Variants in AMZ1 observed in about 807,000 individuals in gnomAD.
AMZ1 encodes archaemetzincin-1.
In AMZ1, 39 loss-of-function variants were observed where a neutral mutation model predicts 29.9. That is an observed-to-expected ratio of 1.30 (90% confidence interval 1.01 to 1.70). The LOEUF (loss-of-function observed/expected upper bound fraction) is 1.70, where lower values mean the gene tolerates loss of function less well. Among genes scored for constraint, AMZ1 ranks in the 40% most tolerant of loss-of-function variants. The pLI is 0.00. For missense variants in AMZ1, 1,041 were observed against 680.6 expected (o/e 1.53, Z -5.89); for synonymous variants, 458 against 304.0 (o/e 1.51, Z -5.27).
At chr7:2,727,436 T>C (rs1337251716) in intron 4 of AMZ1, among the ~76,000 whole-genome samples, 3 of 152,026 alleles carry the variant, frequency 2.0e-5, no homozygotes, top group Non-Finnish European at 4.4e-5. Flanking sequence ...GAGTGCAGAG[T>C]GCGATCGCAG....
intron 4 of AMZ1, among the ~76,000 whole-genome samples, chr7:2,725,114 C>A (rs929304083): frequency 3.9e-5 from 6 of 152,174 alleles, no homozygotes; most frequent in Non-Finnish European, 8.8e-5. Flanking sequence ...CTGGGTTCTG[C>A]GAGCGCACCC....
chr7:2,754,898 T>C (rs1436754726), intron 4 of AMZ1, among the ~76,000 whole-genome samples: 1 of 152,248 alleles, frequency 6.6e-6, no homozygotes, highest in African/African-American at 2.4e-5. Context: ...TACTGTTATC[T>C]TCTCTCAAGT....
intron 4 of AMZ1, among the ~76,000 whole-genome samples, chr7:2,758,678 C>T (rs1381075013): frequency 8.5e-5 from 13 of 152,184 alleles, no homozygotes; most frequent in Admixed American, 8.5e-4. Context: ...AACCCCTGTG[C>T]TAGAGAGGTT....
At chr7:2,748,187 AGCCTGCATC>A (rs1346924673) in intron 4 of AMZ1, among the ~76,000 whole-genome samples, 2 of 151,224 alleles carry the variant, frequency 1.3e-5, no homozygotes, top group Non-Finnish European at 3.0e-5. Flanking sequence ...ACCAAAAAAG[AGCCTGCATC>A]GCCAAGTCAA....
upstream of AMZ1, chr7:2,762,964 C>A: frequency 7.4e-7 from 1 of 1,359,390 alleles, no homozygotes. Flanking sequence ...CCAGGGTCTC[C>A]TGCTCCTCAG....
At chr7:2,698,014 AATTAC>A (rs1315182015) in intron 1 of AMZ1, among the ~76,000 whole-genome samples, 4 of 152,250 alleles carry the variant, frequency 2.6e-5, no homozygotes, top group African/African-American at 9.6e-5. Context: ...AAAATATATA[AATTAC>A]ATATATCAAA....
chr7:2,701,160 G>T (rs1365880135), intron 2 of AMZ1, among the ~76,000 whole-genome samples: 1 of 152,160 alleles, frequency 6.6e-6, no homozygotes, highest in Non-Finnish European at 1.5e-5. Context: ...GAACCTGGGA[G>T]ACAGAGGTTG....
intron 2 of AMZ1, 112 bp downstream of exon 2, chr7:2,700,867 G>T: frequency 7.2e-7 from 1 of 1,388,096 alleles, no homozygotes; most frequent in African/African-American, 1.4e-5. Flanking sequence ...AGGGAAGAGG[G>T]TCCTGGGTGT....
downstream of AMZ1, among the ~76,000 whole-genome samples, chr7:2,722,938 C>G (rs1789481856): frequency 6.6e-6 from 1 of 151,986 alleles, no homozygotes; most frequent in Admixed American, 6.6e-5. Flanking sequence ...ATGATCACAC[C>G]ACTGCACTCC....
At chr7:2,687,395 G>C (rs1054034031), upstream of AMZ1, among the ~76,000 whole-genome samples, 2 of 152,190 alleles carry the variant, frequency 1.3e-5, no homozygotes, top group Non-Finnish European at 2.9e-5. Context: ...TCTGTGGGGC[G>C]CTGCTGAGGG....
At chr7:2,746,897 G>A (rs1332616060) in intron 4 of AMZ1, among the ~76,000 whole-genome samples, 4 of 152,252 alleles carry the variant, frequency 2.6e-5, no homozygotes, top group South Asian at 4.1e-4. Context: ...ACACCTCTAC[G>A]CAAATAAACT....
intron 6 of AMZ1, among the ~76,000 whole-genome samples, chr7:2,710,834 A>G (rs1329511900): frequency 6.6e-6 from 1 of 152,178 alleles, no homozygotes; most frequent in Non-Finnish European, 1.5e-5. Flanking sequence ...AGGTGGCGTG[A>G]TGGCTGGTCA....
rs920311156 is a variant in AMZ1, at chr7:2,716,221, T to G, written c.*3343T>G. The G allele has an allele frequency of 1.3e-5, 2 of 152,250 alleles. No homozygotes were observed. Among genetic ancestry groups the G allele is most frequent in the South Asian group, 4.1e-4 (2 of 4,824 alleles). The allele number at this position is 152,250 out of a possible 1,614,324, so 9.4% of individuals were successfully genotyped here. A position where few individuals can be genotyped will look rare whatever the true frequency, so the allele number is the denominator to read the frequency against. Reference sequence around the variant, plus strand: ...GCTATGATGAAGGGGTGAGAAGCAGTGTCCCCTCTGAGGCAAATCTCTCTT... The same window carrying G: ...GCTATGATGAAGGGGTGAGAAGCAGGGTCCCCTCTGAGGCAAATCTCTCTT... On this transcript the variant is annotated 3_prime_UTR_variant, in exon 7 of 7. Coordinates refer to ENST00000683327, the MANE Select transcript of AMZ1 (RefSeq NM_001384743.1).
chr7:2,700,565 T>A lies in AMZ1; in HGVS notation c.114T>A (p.Pro38=), dbSNP rs756362703. The A allele has an allele frequency of 4.0e-5, 64 of 1,609,842 alleles. No homozygotes were observed. The highest frequency in any genetic ancestry group is 1.2e-5 in the Non-Finnish European group (14 of 1,179,954). The stretch of plus-strand genomic sequence containing the variant: ...AGCTGTATGTGTCCGCCTTCTCCCC[T>A]GCCGAGCGGCTCTTCCTGGCCGAGG... ...LQQLYVSAFS[P]AERLFLAEAY... is the part of the protein sequence containing the mutation. The change falls in exon 2 of 7, where the codon CCT becomes CCA. Residue 38 remains proline, a synonymous_variant. Transcript: ENST00000683327.
At chr7:2,706,583 T>G (rs780664557) in intron 3 of AMZ1, among the ~76,000 whole-genome samples, 29 of 152,242 alleles carry the variant, frequency 1.9e-4, no homozygotes, top group Non-Finnish European at 3.8e-4. Context: ...TTGCTGGCAA[T>G]GCCCAGCCCT....
In AMZ1 at chr7:2,712,311, CTG is replaced by C; in HGVS notation, c.949-15_949-14del. Reference sequence around the variant, plus strand: ...AGGGCTGGCACGGAGCAAACTCAGCCTGTGTTTCTCCCTCTTAGAGACTCTAC... The same window carrying C: ...AGGGCTGGCACGGAGCAAACTCAGCCTGTTTCTCCCTCTTAGAGACTCTAC... On this transcript the variant is annotated splice_polypyrimidine_tract_variant and intron_variant, in intron 6 of 6. Coordinates refer to ENST00000683327, the MANE Select transcript of AMZ1 (RefSeq NM_001384743.1). The C allele has an allele frequency of 8.5e-6, 13 of 1,537,358 alleles. No individual in the cohort carries two copies. The highest frequency in any genetic ancestry group is 2.5e-5 in the South Asian group (2 of 79,132).
intron 3 of AMZ1, among the ~76,000 whole-genome samples, chr7:2,703,243 A>T (rs1476829470): frequency 6.6e-6 from 1 of 152,062 alleles, no homozygotes; most frequent in African/African-American, 2.4e-5. Context: ...CGGTTGAGGC[A>T]AGCGATTCTC....
In AMZ1 at chr7:2,709,895, G is replaced by C. The variant is rs1583175509; in HGVS notation, c.948+79G>C. 46 of 1,557,236 alleles carry C rather than the reference G, an allele frequency of 3.0e-5. 1 individual carries two copies. In the South Asian group the frequency reaches 4.7e-4, roughly 16 times the overall value. The stretch of plus-strand genomic sequence containing the variant: ...GCGAGCGCCGCCTGGAGGCTACGCA[G>C]GGCATGGGGACCGCACACAGGCTTT... On this transcript the variant is annotated intron_variant, in intron 6 of 6. Transcript: ENST00000683327.
chr7:2,751,876 T>C (rs1292846691), intron 4 of AMZ1, among the ~76,000 whole-genome samples: 2 of 152,126 alleles, frequency 1.3e-5, no homozygotes, highest in Non-Finnish European at 2.9e-5. Context: ...ACAACAAAAC[T>C]TCCCCAAAGG....
Sources: allele counts gnomAD v4.1 joint callset (sites outside exome capture counted in the v4.1 genomes callset), GRCh38; gene constraint gnomAD v4.1.1; transcripts MANE v1.5; gene names NCBI Gene and HGNC (gene_info 2026-07-23, HGNC 2026-07-21).